HLA-G: variants seen among roughly 807,000 people sequenced by gnomAD.
The protein encoded by HLA-G is HLA class I histocompatibility antigen, alpha chain G.
A neutral mutation model predicts 39.3 loss-of-function variants in HLA-G; 34 were observed. The observed-to-expected ratio is 0.86, with a 90% CI of 0.66 to 1.15. The LOEUF is 1.15. HLA-G is among the 50% of genes most tolerant of loss of function. The pLI, the probability that HLA-G is intolerant of heterozygous loss-of-function variation, is 0.00. For synonymous variants in HLA-G, 183 were observed against 185.8 expected, an observed-to-expected ratio of 0.99 and a Z score of 0.12; for missense variants, 419 against 456.4, an observed-to-expected ratio of 0.92 and a Z score of 0.75.
chr6:29,829,840 C>T lies in HLA-G; in HGVS notation c.920C>T (p.Pro307Leu). Residue 307 changes from proline to leucine, a missense_variant, in exon 5 of 7, where the codon CCC becomes CTC. By Grantham distance (98) the Pro-to-Leu change is moderately conservative. This residue lies in a region of HLA-G where 328 missense variants were observed against 323.0 expected (regional missense o/e 1.02). Coordinates refer to ENST00000360323, the MANE Select transcript of HLA-G (RefSeq NM_001384290.1). ...RWKQSSLPTI[P>L]IMGIVAGLVV... ...GAGCAGTCTTCCCTGCCCACCATCC[C>T]CATCATGGGTATCGTTGCTGGCCTG... The T allele has an allele frequency of 6.2e-7, 1 of 1,613,950 alleles. No individual in the cohort carries two copies. Among genetic ancestry groups the T allele is most frequent in the Admixed American group, 1.7e-5 (1 of 60,002 alleles).
In HLA-G at chr6:29,829,696, A is replaced by T. The variant is rs762566791; in HGVS notation, c.895+3A>T. 6.2e-7 allele frequency: 1 copy of T among 1,612,038 alleles called. No individual in the cohort carries two copies. The highest frequency in any genetic ancestry group is 1.1e-5 in the South Asian group (1 of 90,950). On this transcript the variant is annotated splice_donor_region_variant and intron_variant, in intron 4 of 6. Transcript: ENST00000360323. ...GGAGCCCCTCATGCTGAGATGGAGT[A>T]AGGAGGGAGATGGAGGCATCATGTC...
At chr6:29,830,552 G>A (rs2113864900) in intron 6 of HLA-G, 142 bp downstream of exon 6, 2 of 821,046 alleles carry the variant, frequency 2.4e-6, no homozygotes, top group South Asian at 1.3e-5. Flanking sequence ...TTCTACTCTA[G>A]GCAGTGACAG....
chr6:29,826,989 T>G (rs757369018), upstream of HLA-G: 12 of 520,008 alleles, frequency 2.3e-5, no homozygotes, highest in South Asian at 1.6e-4. Flanking sequence ...AGTGTGGTAC[T>G]TTGTCTTGAG....
Position 29,830,882 on chromosome 6 carries a change from C to T in HLA-G, c.*143C>T, listed in dbSNP as rs569057854. On this transcript the variant is annotated 3_prime_UTR_variant, in exon 7 of 7. Coordinates refer to ENST00000360323, the MANE Select transcript of HLA-G (RefSeq NM_001384290.1). ...CCCCTGTGCCCACCATGACCCTCTT[C>T]CTCATGCTGAACTGCATTCCTTCCC... 188 of 367,286 alleles carry T rather than the reference C, an allele frequency of 5.1e-4. No homozygotes were observed. The highest frequency in any genetic ancestry group is 3.7e-3 in the African/African-American group (176 of 47,700). 22.8% of individuals were successfully genotyped at this position (367,286 alleles called of 1,614,324 possible). A position where few individuals can be genotyped will look rare whatever the true frequency, so the allele number is the denominator to read the frequency against.
At chr6:29,830,179 G>A (rs1439793169) in intron 5 of HLA-G, among the ~76,000 whole-genome samples, 199 bp from the exon 6 acceptor site, 2 of 152,176 alleles carry the variant, frequency 1.3e-5, no homozygotes, top group South Asian at 4.1e-4. Flanking sequence ...TCAGGAGAAG[G>A]TCCCTGGCTA....
intron 1 of HLA-G, 53 bp downstream of exon 1, chr6:29,827,970 G>T: frequency 6.3e-7 from 1 of 1,586,694 alleles, no homozygotes; most frequent in African/African-American, 1.3e-5. Context: ...GGGAGGGGCC[G>T]GCCCGGCGGG....
chr6:29,827,600 C>G (rs1760775945), upstream of HLA-G: 2 of 543,888 alleles, frequency 3.7e-6, no homozygotes, highest in Non-Finnish European at 6.7e-6. Context: ...CCCAGGGCCT[C>G]AAGCGTGGCT....
intron 3 of HLA-G, among the ~76,000 whole-genome samples, chr6:29,829,116 C>T (rs1186720646): frequency 6.6e-6 from 1 of 152,068 alleles, no homozygotes; most frequent in African/African-American, 2.4e-5. Flanking sequence ...AGGACTTTTC[C>T]CCTCAGGCCT....
intron 6 of HLA-G, 81 bp downstream of exon 6, chr6:29,830,491 A>G (rs1332385108): frequency 1.6e-6 from 2 of 1,213,598 alleles, no homozygotes; most frequent in African/African-American, 3.0e-5. Flanking sequence ...CCACCCCACA[A>G]TTCCTCCTCT....
intron 6 of HLA-G, 149 bp downstream of exon 6, chr6:29,830,559 ACAGTGC>A: frequency 1.2e-6 from 1 of 809,056 alleles, no homozygotes; most frequent in African/African-American, 1.7e-5. Context: ...CTAGGCAGTG[ACAGTGC>A]CCAGGGCTCT....
Position 29,829,949 on chromosome 6 carries a change from A to T in HLA-G, c.1012+17A>T. 6.4e-7 allele frequency: 1 copy of T among 1,559,930 alleles called. No individual in the cohort carries two copies. The highest frequency in any genetic ancestry group is 1.7e-5 in the Admixed American group (1 of 58,014). On this transcript the variant is annotated intron_variant, in intron 5 of 6. Coordinates refer to ENST00000360323, the MANE Select transcript of HLA-G (RefSeq NM_001384290.1). ...AGAGCTCAGGTAAGGAAGGGGTGAC[A>T]AGTGGGGTCTGAGTTTTCTTGTCCC...
At chr6:29,826,876 A>G, upstream of HLA-G, 1 of 401,208 alleles carries the variant, frequency 2.5e-6, no homozygotes, top group Non-Finnish European at 5.2e-6. Flanking sequence ...AAAAACAGGC[A>G]GTGCGTGAGC....
intron 5 of HLA-G, among the ~76,000 whole-genome samples, 160 bp from the exon 6 acceptor site, chr6:29,830,218 G>C (rs1392716393): frequency 1.3e-5 from 2 of 152,040 alleles, no homozygotes; most frequent in African/African-American, 2.4e-5. Context: ...GCAGTTGGTC[G>C]AGGACCCACA....
rs1020986754 is a variant in HLA-G, at chr6:29,830,858, C to G, written c.*119C>G. 1.0e-4 allele frequency: 41 copies of G among 411,740 alleles called. 1 individual carries two copies. The highest frequency in any genetic ancestry group is 1.8e-4 in the Non-Finnish European group (36 of 202,290). 25.5% of individuals were successfully genotyped at this position (411,740 alleles called of 1,614,324 possible). A position where few individuals can be genotyped will look rare whatever the true frequency, so the allele number is the denominator to read the frequency against. On this transcript the variant is annotated 3_prime_UTR_variant, in exon 7 of 7. Transcript: ENST00000360323. ...CCTCTTTGTGCAGAGACCAGCCCAC[C>G]CCTGTGCCCACCATGACCCTCTTCC...
In HLA-G at chr6:29,828,195, G is replaced by A; in HGVS notation, c.222G>A (p.Pro74=). The stretch of plus-strand genomic sequence containing the variant: ...GTCCGAGGATGGAGCCGCGGGCGCC[G>A]TGGGTGGAGCAGGAGGGGCCGGAGT... ...SACPRMEPRA[P]WVEQEGPEYW... is the part of the protein sequence containing the mutation. Residue 74 remains proline, a synonymous_variant, in exon 2 of 7, where the codon CCG becomes CCA. Coordinates refer to ENST00000360323, the MANE Select transcript of HLA-G (RefSeq NM_001384290.1). 6.2e-7 allele frequency: 1 copy of A among 1,613,478 alleles called. No homozygotes were observed. The highest frequency in any genetic ancestry group is 8.5e-7 in the Non-Finnish European group (1 of 1,179,860).
rs1562470252 is a variant in HLA-G, at chr6:29,828,838, GCCTCCCT to G, written c.619+21_619+27del. 2.5e-6 allele frequency: 4 copies of G among 1,613,922 alleles called. No homozygotes were observed. The highest frequency in any genetic ancestry group is 3.4e-6 in the Non-Finnish European group (4 of 1,179,952). ...GCGCGGGTACCAGGGGCAGTGGGGC[GCCTCCCT>G]GATCTCCTGTAGACCTCTCAGCCTG... is the stretch of plus-strand genomic sequence containing the variant. On this transcript the variant is annotated intron_variant, in intron 3 of 6. Transcript: ENST00000360323.
Position 29,829,684 on chromosome 6 carries a change from C to T in HLA-G, c.886C>T (p.Leu296=), listed in dbSNP as rs1438202915. The change falls in exon 4 of 7, where the codon CTG becomes TTG. Residue 296 remains leucine (L), a synonymous_variant. Coordinates refer to ENST00000360323, the MANE Select transcript of HLA-G (RefSeq NM_001384290.1). ...TGAGGGGCTGCCGGAGCCCCTCATGCTGAGATGGAGTAAGGAGGGAGATGG... is the reference window on the plus strand; with the variant it reads ...TGAGGGGCTGCCGGAGCCCCTCATGTTGAGATGGAGTAAGGAGGGAGATGG... The part of the protein sequence containing the change: ...QHEGLPEPLM[L]RWKQSSLPTI... 6.2e-7 allele frequency: 1 copy of T among 1,612,742 alleles called. No homozygotes were observed. Among genetic ancestry groups the T allele is most frequent in the Admixed American group, 1.7e-5 (1 of 59,634 alleles).
chr6:29,830,587 C>T, intron 6 of HLA-G, 177 bp downstream of exon 6: 2 of 766,780 alleles, frequency 2.6e-6, no homozygotes, highest in African/African-American at 1.7e-5. Context: ...ATGTGTCTCT[C>T]ACGGCTTGTA....
chr6:29,830,329 A>C (rs1761166114), intron 5 of HLA-G, 49 bp from the exon 6 acceptor site: 1 of 1,608,486 alleles, frequency 6.2e-7, no homozygotes, highest in Non-Finnish European at 8.5e-7. Flanking sequence ...CTAGGACCTC[A>C]TGGCCCTGCC....
Sources: allele counts gnomAD v4.1 joint callset (sites outside exome capture counted in the v4.1 genomes callset), GRCh38; gene constraint gnomAD v4.1.1; regional missense constraint gnomAD v4.1.1; transcripts MANE v1.5; gene names NCBI Gene and HGNC (gene_info 2026-07-23, HGNC 2026-07-21).